The following MYO16 variants were observed in gnomAD, a reference collection of about 807,000 sequenced individuals.
MYO16 encodes unconventional myosin-XVI.
In MYO16, 94 loss-of-function variants were observed where a neutral mutation model predicts 205.3. The observed-to-expected ratio is 0.46, with a 90% CI of 0.39 to 0.54. The LOEUF is 0.54. Among genes scored for constraint, MYO16 ranks in the 20% least tolerant of loss-of-function variants. The probability of loss-of-function intolerance (pLI) is 0.00; values close to 1 mark genes in which losing one functional copy is unlikely to be tolerated. For synonymous variants in MYO16, 988 were observed against 954.0 expected (o/e 1.04, Z -0.66); for missense variants, 2,315 against 2,387.5 (o/e 0.97, Z 0.63).
chr13:109,084,868 G>A (rs971876464), intron 27 of MYO16, among the ~76,000 whole-genome samples: 1 of 152,018 alleles, frequency 6.6e-6, no homozygotes, highest in Non-Finnish European at 1.5e-5. Flanking sequence ...AGAGAAAACA[G>A]AAAAATGACC....
At chr13:108,689,497 A>G (rs1420366203) in intron 2 of MYO16, among the ~76,000 whole-genome samples, 1 of 152,150 alleles carries the variant, frequency 6.6e-6, no homozygotes, top group Non-Finnish European at 1.5e-5. Flanking sequence ...AAATCATTTT[A>G]CTTGAGTGAC....
Position 108,816,860 on chromosome 13 carries a change from A to C in MYO16, c.868-3477A>C, listed in dbSNP as rs144855015. Among the ~76,000 whole-genome samples the C allele has an allele frequency of 7.9e-3, 1,201 of 152,338 alleles. 15 individuals are homozygous for C. The highest frequency in any genetic ancestry group is 0.014 in the Middle Eastern group (4 of 294). On this transcript the variant is annotated intron_variant, in intron 7 of 34. Coordinates refer to ENST00000457511, the MANE Select transcript of MYO16 (RefSeq NM_001198950.3). ...GAAAAATTCATCCAGATCATATAAA[A>C]ATGCAGATAGACTAATAGTAAAAAG...
chr13:108,905,131 G>A (rs7322602), intron 15 of MYO16, among the ~76,000 whole-genome samples: 7,790 of 152,060 alleles, frequency 0.051, 681 homozygotes, highest in African/African-American at 0.18. Flanking sequence ...CTTCATACAG[G>A]GTAGCTGGGC....
At chr13:109,136,310 G>C (rs990099770) in intron 31 of MYO16, among the ~76,000 whole-genome samples, 5 of 152,074 alleles carry the variant, frequency 3.3e-5, no homozygotes, top group Admixed American at 2.6e-4. Flanking sequence ...TGAAAGGCTG[G>C]TCTTGAACTC....
intron 22 of MYO16, among the ~76,000 whole-genome samples, chr13:109,016,795 G>T (rs277857): frequency 0.89 from 133,542 of 150,164 alleles, 59,700 homozygotes; most frequent in East Asian, 0.96. Flanking sequence ...TGCTTTTTTT[G>T]TTGTTGTTTT....
Position 108,793,533 on chromosome 13 carries a change from C to T in MYO16, c.634C>T (p.Leu212=), listed in dbSNP as rs1886687600. The part of the protein sequence containing the change: ...LDENGVDLTS[L]RQMKLQRPMS... ...CCCCACAGGAGTGGATTTGACCTCACTGCGCCAGATGAAGCTTCAGAGACC... is the reference window on the plus strand; with the variant it reads ...CCCCACAGGAGTGGATTTGACCTCATTGCGCCAGATGAAGCTTCAGAGACC... Residue 212 remains leucine (L), a synonymous_variant, in exon 6 of 35, where the codon CTG becomes TTG. Coordinates refer to ENST00000457511, the MANE Select transcript of MYO16 (RefSeq NM_001198950.3). The T allele has an allele frequency of 1.2e-6, 2 of 1,613,764 alleles. No homozygotes were observed. Among genetic ancestry groups the T allele is most frequent in the South Asian group, 1.1e-5 (1 of 91,072 alleles).
Position 108,834,269 on chromosome 13 carries a change from C to A in MYO16, c.1098-10074C>A, listed in dbSNP as rs61970399. On this transcript the variant is annotated intron_variant, in intron 9 of 34. Transcript: ENST00000457511. ...TTCATCAAGGTGATTAAGCCATGGG[C>A]ATTTGCTAATTGTCCTTTATAGGCT... 7.0e-3 allele frequency among the ~76,000 whole-genome samples: 1,065 copies of A among 152,182 alleles called. 3 individuals carry two copies. Among genetic ancestry groups the A allele is most frequent in the Non-Finnish European group, 0.012 (846 of 67,980 alleles).
intron 1 of MYO16, among the ~76,000 whole-genome samples, chr13:108,598,306 T>TAG (rs746357745): frequency 7.8e-5 from 11 of 140,792 alleles, no homozygotes; most frequent in African/African-American, 1.9e-4. Context: ...ATTGTAGTGA[T>TAG]AGAGAGAGAG....
chr13:108,655,275 T>C (rs1881192516), intron 1 of MYO16, among the ~76,000 whole-genome samples: 1 of 152,186 alleles, frequency 6.6e-6, no homozygotes, highest in Non-Finnish European at 1.5e-5. Context: ...TCCCAGCCTC[T>C]CCAGCTATTG....
At chr13:108,648,146 A>G (rs536946828) in intron 1 of MYO16, among the ~76,000 whole-genome samples, 1 of 152,348 alleles carries the variant, frequency 6.6e-6, no homozygotes, top group South Asian at 2.1e-4. Flanking sequence ...GATATTAAAA[A>G]GAGTACAGTG....
chr13:108,785,647 GTCCTTCTCCAGGATGTGAA>G lies in MYO16; in HGVS notation c.522_540del (p.Leu175GlufsTer5). On this transcript the variant is annotated frameshift_variant, in exon 5 of 35. Coordinates refer to ENST00000457511, the MANE Select transcript of MYO16 (RefSeq NM_001198950.3). LOFTEE classifies it high-confidence loss of function. ...TCTTTTTATCTAGGCTGGAGCCAAT[GTCCTTCTCCAGGATGTGAA>G]TGGAAATATCCCATTAGATTATGCT... 1 of 1,608,708 alleles carries G rather than the reference GTCCTTCTCCAGGATGTGAA, an allele frequency of 6.2e-7. No homozygotes were observed. Among genetic ancestry groups the G allele is most frequent in the Non-Finnish European group, 8.5e-7 (1 of 1,177,760 alleles).
intron 2 of MYO16, among the ~76,000 whole-genome samples, chr13:108,686,126 G>T (rs971389788): frequency 2.6e-5 from 4 of 152,172 alleles, no homozygotes; most frequent in Admixed American, 1.3e-4. Flanking sequence ...TAGGCTGAGG[G>T]GTAGTCCTCA....
chr13:108,687,663 C>A (rs1882731219), intron 2 of MYO16, among the ~76,000 whole-genome samples: 4 of 152,158 alleles, frequency 2.6e-5, no homozygotes, highest in Admixed American at 2.6e-4. Context: ...ACGCACTTAA[C>A]CCACAATAGA....
At chr13:108,994,229 A>G (rs1053940016) in intron 21 of MYO16, among the ~76,000 whole-genome samples, 52 of 152,116 alleles carry the variant, frequency 3.4e-4, no homozygotes, top group South Asian at 2.1e-4. Flanking sequence ...GCCAGTCTCT[A>G]TTAAATGCCA....
intron 7 of MYO16, among the ~76,000 whole-genome samples, chr13:108,819,530 G>T (rs111663365): frequency 6.6e-6 from 1 of 151,834 alleles, no homozygotes; most frequent in East Asian, 1.9e-4. Flanking sequence ...ACATAGTTTT[G>T]GGGAGAAACA....
intron 7 of MYO16, among the ~76,000 whole-genome samples, chr13:108,808,533 G>A (rs2116249): frequency 0.64 from 96,630 of 151,498 alleles, 32,647 homozygotes; most frequent in East Asian, 0.77. Context: ...GGCTGGTCTC[G>A]AACTCCTGAC....
chr13:109,040,272 A>G (rs977224747), intron 23 of MYO16, among the ~76,000 whole-genome samples: 5 of 151,860 alleles, frequency 3.3e-5, no homozygotes, highest in Admixed American at 1.3e-4. Flanking sequence ...ACTTTACACA[A>G]TCTTTTCTAG....
At chr13:108,579,447 T>A in the MYO16 span, among the ~76,000 whole-genome samples, 1 of 150,922 alleles carries the variant, frequency 6.6e-6, no homozygotes, top group Non-Finnish European at 1.5e-5. Flanking sequence ...AAGAATTTTT[T>A]TTTTTTTTTT....
At chr13:108,642,073 C>T (rs550349600) in intron 1 of MYO16, among the ~76,000 whole-genome samples, 8 of 152,300 alleles carry the variant, frequency 5.3e-5, no homozygotes, top group African/African-American at 1.9e-4. Context: ...TTAATTTCCT[C>T]ATTTGAAAAA....
Sources: gnomAD v4.1 joint callset for allele counts (sites outside exome capture counted in the v4.1 genomes callset) on GRCh38, gnomAD v4.1.1 for gene constraint, MANE v1.5 for transcripts, NCBI Gene and HGNC (gene_info 2026-07-23, HGNC 2026-07-21) for gene names.